Variants in SIX3 observed in about 807,000 individuals in gnomAD.
SIX3 encodes the protein homeobox protein SIX3.
In SIX3, 2 loss-of-function variants were observed where a neutral mutation model predicts 21.7. The ratio of observed to expected loss-of-function variants is 0.09; its 90% CI spans 0.04 to 0.29. The LOEUF is 0.29. SIX3 is among the 10% of genes least tolerant of loss of function. The pLI, the probability that SIX3 is intolerant of heterozygous loss-of-function variation, is 1.00. For missense variants in SIX3, 347 were observed against 480.7 expected (o/e 0.72, Z 2.60); for synonymous variants, 243 against 220.6 (o/e 1.10, Z -0.90).
Position 44,944,479 on chromosome 2 carries a change from T to C in SIX3, c.807-89T>C. 2.1e-6 allele frequency: 3 copies of C among 1,411,324 alleles called. No homozygotes were observed. The South Asian group carries it at 3.7e-5, about 17-fold the overall frequency. 87.4% of individuals were successfully genotyped at this position (1,411,324 alleles called of 1,614,324 possible). On this transcript the variant is annotated intron_variant, in intron 1 of 1. Transcript: ENST00000260653. ...CTCTATCTGAGAAGACTTGGGATGC[T>C]CCCGAAAGCGGAATGGGGAGCGGCG...
In SIX3 at chr2:44,945,095, T is replaced by G; in HGVS notation, c.*335T>G. On this transcript the variant is annotated 3_prime_UTR_variant, in exon 2 of 2. Transcript: ENST00000260653. ...AAACATAAAAGAGGTGACAATTGTA[T>G]ACTTTCTAGGACAAGCACGGCTTCT... 4.9e-6 allele frequency: 2 copies of G among 408,318 alleles called. No individual in the cohort carries two copies. Among genetic ancestry groups the G allele is most frequent in the Non-Finnish European group, 9.0e-6 (2 of 221,504 alleles). The allele number at this position is 408,318 out of a possible 1,614,324, so 25.3% of individuals were successfully genotyped here.
chr2:44,944,974 C>G lies in SIX3; in HGVS notation c.*214C>G. On this transcript the variant is annotated 3_prime_UTR_variant, in exon 2 of 2. Coordinates refer to ENST00000260653, the MANE Select transcript of SIX3 (RefSeq NM_005413.4). ...AAACAAGAAAATAACAAATTAACCG[C>G]AAACTATCAACAACCCCCAACCACC... The G allele has an allele frequency of 3.3e-6, 2 of 607,138 alleles. No homozygotes were observed. The highest frequency in any genetic ancestry group is 2.0e-5 in the South Asian group (1 of 51,136). The allele number at this position is 607,138 out of a possible 1,614,324, so 37.6% of individuals were successfully genotyped here. A position where few individuals can be genotyped will look rare whatever the true frequency, so the allele number is the denominator to read the frequency against.
At chr2:44,943,898 CCTGAGCCCATGGCCCT>C (rs1666635857) in intron 1 of SIX3, among the ~76,000 whole-genome samples, 1 of 152,138 alleles carries the variant, frequency 6.6e-6, no homozygotes. Context: ...GCGGCCGGGA[CCTGAGCCCATGGCCCT>C]CTCACCCCTG....
intron 1 of SIX3, among the ~76,000 whole-genome samples, chr2:44,943,698 G>C (rs532014260): frequency 6.6e-6 from 1 of 152,378 alleles, no homozygotes; most frequent in African/African-American, 2.4e-5. Context: ...ATAGGCGAAA[G>C]GAGTGGGGAG....
In SIX3 at chr2:44,942,268, G is replaced by A. The variant is rs772677168; in HGVS notation, c.164G>A (p.Gly55Glu). Reference sequence around the variant, plus strand: ...GGCAGCGGCGGCGGGAACGGTGCGGGAGGCGGCGGTGCTGGCGGAGCAGGC... The same window carrying A: ...GGCAGCGGCGGCGGGAACGGTGCGGAAGGCGGCGGTGCTGGCGGAGCAGGC... ...GGGSGGGNGA[G>E]GGGAGGAGGG... Residue 55 changes from glycine (G) to glutamate (E), a missense_variant, in exon 1 of 2, where the codon GGA becomes GAA. Transcript: ENST00000260653. This position sits in a 1 kb window ranked among gnomAD's most constrained non-coding sequence, Gnocchi z 8.4. The A allele has an allele frequency of 2.8e-5, 43 of 1,542,778 alleles. No individual in the cohort carries two copies. The Admixed American group carries it at 3.0e-4, about 11-fold the overall frequency.
Position 44,942,986 on chromosome 2 carries a change from G to C in SIX3, c.806+76G>C, listed in dbSNP as rs1334286496. The C allele has an allele frequency of 2.0e-6, 3 of 1,504,454 alleles. No individual in the cohort carries two copies. The highest frequency in any genetic ancestry group is 4.8e-5 in the East Asian group (2 of 41,536). The allele number at this position is 1,504,454 out of a possible 1,614,324, so 93.2% of individuals were successfully genotyped here. On this transcript the variant is annotated intron_variant, in intron 1 of 1. Transcript: ENST00000260653. The surrounding 1 kb of genome is among the most constrained non-coding windows in gnomAD (Gnocchi z 8.4). ...GGAGAGGGGTTGAGATGGGGCTAGC[G>C]GAGCGGCCGCTGAGAGCCAGGGAAG...
chr2:44,944,864 C>G lies in SIX3; in HGVS notation c.*104C>G, dbSNP rs765419052. On this transcript the variant is annotated 3_prime_UTR_variant, in exon 2 of 2. Transcript: ENST00000260653. The stretch of plus-strand genomic sequence containing the variant: ...CCTCCTCTTCCTTCTCCTCCTCCAT[C>G]CCCAGAACAAACCGAAATCAGGATA... The G allele has an allele frequency of 1.1e-4, 126 of 1,122,528 alleles. No individual in the cohort carries two copies. Among genetic ancestry groups the G allele is most frequent in the Non-Finnish European group, 1.5e-4 (116 of 769,656 alleles). The allele number at this position is 1,122,528 out of a possible 1,614,324, so 69.5% of individuals were successfully genotyped here.
rs201997244 is a variant in SIX3, at chr2:44,942,122, C to A, written c.18C>A (p.Pro6=). 12 of 1,596,026 alleles carry A rather than the reference C, an allele frequency of 7.5e-6. No homozygotes were observed. The highest frequency in any genetic ancestry group is 4.5e-5 in the East Asian group (2 of 44,682). ...GTCAGTCCATGGTATTCCGCTCCCC[C>A]CTAGACCTCTATTCCTCCCACTTCT... is the stretch of plus-strand genomic sequence containing the variant. MVFRS[P]LDLYSSHFLL... The change falls in exon 1 of 2, where the codon CCC becomes CCA. Residue 6 remains proline, a synonymous_variant. Transcript: ENST00000260653. This position sits in a 1 kb window ranked among gnomAD's most constrained non-coding sequence, Gnocchi z 8.4.
rs2103647675 is a variant in SIX3 at position 44,945,845 on chromosome 2, C to T, written c.*1085C>T. 6.6e-6 allele frequency: 1 copy of T among 152,300 alleles called. No individual in the cohort carries two copies. Among genetic ancestry groups the T allele is most frequent in the Admixed American group, 6.5e-5 (1 of 15,294 alleles). 9.4% of individuals were successfully genotyped at this position (152,300 alleles called of 1,614,324 possible). ...GTGCTCCTGGTGTCGACTTGGCAGT[C>T]AAGGAGAGGCATGGTGGCCTGGGTT... is the stretch of plus-strand genomic sequence containing the variant. On this transcript the variant is annotated 3_prime_UTR_variant, in exon 2 of 2. Transcript: ENST00000260653.
rs199595730 is a variant in SIX3 at position 44,942,158 on chromosome 2, C to T, written c.54C>T (p.Asn18=). 2 of 1,598,466 alleles carry T rather than the reference C, an allele frequency of 1.3e-6. No individual in the cohort carries two copies. The highest frequency in any genetic ancestry group is 1.7e-5 in the Admixed American group (1 of 59,988). ...DLYSSHFLLP[N]FADSHHRSIL... is the part of the protein sequence containing the mutation. ...ATTCCTCCCACTTCTTGTTGCCAAA[C>T]TTCGCCGATTCTCACCACCGCTCCA... is the stretch of plus-strand genomic sequence containing the variant. Residue 18 remains asparagine (N), a synonymous_variant, in exon 1 of 2, where the codon AAC becomes AAT. Coordinates refer to ENST00000260653, the MANE Select transcript of SIX3 (RefSeq NM_005413.4). The surrounding 1 kb of genome is among the most constrained non-coding windows in gnomAD (Gnocchi z 8.4).
At position 44,944,670 on chromosome 2, in the gene SIX3, G is replaced by A. The variant is rs560888073; in HGVS notation, c.909G>A (p.Pro303=). 5.7e-6 allele frequency: 9 copies of A among 1,581,820 alleles called. No homozygotes were observed. In the Admixed American group the frequency reaches 1.5e-4, roughly 27 times the overall value. The change falls in exon 2 of 2, where the codon CCG becomes CCA. Residue 303 remains proline (P), a synonymous_variant. Coordinates refer to ENST00000260653, the MANE Select transcript of SIX3 (RefSeq NM_005413.4). ...AGTCGCCGTCCACGGCGGCCAGCCC[G>A]ACCACCAGCGTGTCCAGCCTGACGG... is the stretch of plus-strand genomic sequence containing the variant. ...SAESPSTAAS[P]TTSVSSLTER...
chr2:44,942,396 A>T lies in SIX3; in HGVS notation c.292A>T (p.Thr98Ser). The T allele has an allele frequency of 6.3e-7, 1 of 1,597,170 alleles. No homozygotes were observed. The highest frequency in any genetic ancestry group is 8.5e-7 in the Non-Finnish European group (1 of 1,179,300). The part of the protein sequence containing the change: ...SPEQVASVCE[T>S]LEETGDIERL... Reference sequence around the variant, plus strand: ...GGAGCAGGTGGCCAGCGTCTGTGAGACGCTGGAGGAGACGGGCGACATCGA... The same window carrying T: ...GGAGCAGGTGGCCAGCGTCTGTGAGTCGCTGGAGGAGACGGGCGACATCGA... Residue 98 changes from threonine (T) to serine (S), a missense_variant, in exon 1 of 2, where the codon ACG becomes TCG. Transcript: ENST00000260653. The surrounding 1 kb of genome is among the most constrained non-coding windows in gnomAD (Gnocchi z 8.4).
rs1283947696 is a variant in SIX3, at chr2:44,941,840, TTCTC to T, written c.-259_-256del. On this transcript the variant is annotated 5_prime_UTR_variant, in exon 1 of 2. Transcript: ENST00000260653. ...TCTCCCTCTCCCTCTCTGTCTCGGG[TTCTC>T]TCTCTGCGCGCGCGCACCGGGCCGC... The T allele has an allele frequency of 1.0e-5, 4 of 381,006 alleles. No individual in the cohort carries two copies. The highest frequency in any genetic ancestry group is 2.1e-5 in the African/African-American group (1 of 47,902). 23.6% of individuals were successfully genotyped at this position (381,006 alleles called of 1,614,324 possible).
In SIX3 at chr2:44,942,819, C is replaced by A. The variant is rs763491194; in HGVS notation, c.715C>A (p.Leu239Met). 1 of 1,599,598 alleles carries A rather than the reference C, an allele frequency of 6.3e-7. No individual in the cohort carries two copies. The highest frequency in any genetic ancestry group is 1.1e-5 in the South Asian group (1 of 91,084). ...PYPNPSKKRE[L>M]AQATGLTPTQ... ...CCCCAACCCCAGCAAGAAACGCGAA[C>A]TGGCGCAGGCCACCGGCCTCACTCC... Residue 239 changes from leucine (L) to methionine (M), a missense_variant, in exon 1 of 2, where the codon CTG (leucine) becomes ATG (methionine). By Grantham distance (15) the Leu-to-Met change is conservative. Coordinates refer to ENST00000260653, the MANE Select transcript of SIX3 (RefSeq NM_005413.4). The surrounding 1 kb of genome is among the most constrained non-coding windows in gnomAD (Gnocchi z 8.4).
chr2:44,944,295 G>T (rs1397325417), intron 1 of SIX3, among the ~76,000 whole-genome samples: 1 of 152,206 alleles, frequency 6.6e-6, no homozygotes, highest in Non-Finnish European at 1.5e-5. Context: ...CGGTCGCGGG[G>T]CAGCCGGCTC....
rs965270255 is a variant in SIX3, at chr2:44,946,020, C to G, written c.*1260C>G. The G allele has an allele frequency of 2.0e-5, 3 of 152,384 alleles. No individual in the cohort carries two copies. The highest frequency in any genetic ancestry group is 2.9e-5 in the Non-Finnish European group (2 of 68,042). The allele number at this position is 152,384 out of a possible 1,614,324, so 9.4% of individuals were successfully genotyped here. Reference sequence around the variant, plus strand: ...CTGTTATCTTAAACTGCGTGTTTATCTATATGTAAAAACTTTCTAAAGCAA... The same window carrying G: ...CTGTTATCTTAAACTGCGTGTTTATGTATATGTAAAAACTTTCTAAAGCAA... On this transcript the variant is annotated 3_prime_UTR_variant, in exon 2 of 2. Coordinates refer to ENST00000260653, the MANE Select transcript of SIX3 (RefSeq NM_005413.4).
In SIX3 at chr2:44,944,989, C is replaced by T. The variant is rs1029447085; in HGVS notation, c.*229C>T. ...AAATTAACCGCAAACTATCAACAAC[C>T]CCCAACCACCATCTACCACTACGGC... is the stretch of plus-strand genomic sequence containing the variant. On this transcript the variant is annotated 3_prime_UTR_variant, in exon 2 of 2. Coordinates refer to ENST00000260653, the MANE Select transcript of SIX3 (RefSeq NM_005413.4). 5.0e-6 allele frequency: 3 copies of T among 594,538 alleles called. No homozygotes were observed. Among genetic ancestry groups the T allele is most frequent in the Non-Finnish European group, 9.0e-6 (3 of 332,204 alleles). The allele number at this position is 594,538 out of a possible 1,614,324, so 36.8% of individuals were successfully genotyped here. A position where few individuals can be genotyped will look rare whatever the true frequency, so the allele number is the denominator to read the frequency against.
intron 1 of SIX3, among the ~76,000 whole-genome samples, chr2:44,943,409 A>G (rs896274745): frequency 6.6e-6 from 1 of 152,068 alleles, no homozygotes; most frequent in Non-Finnish European, 1.5e-5. Context: ...GTTTCCCCGC[A>G]ACGCTGCACG....
Position 44,942,842 on chromosome 2 carries a change from T to G in SIX3, c.738T>G (p.Thr246=), listed in dbSNP as rs755608009. ...KRELAQATGL[T]PTQVGNWFKN... ...AACTGGCGCAGGCCACCGGCCTCAC[T>G]CCCACACAAGTAGGCAACTGGTTTA... Residue 246 remains threonine (T), a synonymous_variant, in exon 1 of 2, where the codon ACT becomes ACG. Coordinates refer to ENST00000260653, the MANE Select transcript of SIX3 (RefSeq NM_005413.4). The surrounding 1 kb of genome is among the most constrained non-coding windows in gnomAD (Gnocchi z 8.4). 3 of 1,599,120 alleles carry G rather than the reference T, an allele frequency of 1.9e-6. No individual in the cohort carries two copies. The highest frequency in any genetic ancestry group is 1.3e-5 in the African/African-American group (1 of 74,900).
Sources: allele counts gnomAD v4.1 joint callset (sites outside exome capture counted in the v4.1 genomes callset), GRCh38; gene constraint gnomAD v4.1.1; non-coding constraint Gnocchi (gnomAD v3.1); transcripts MANE v1.5; gene names NCBI Gene and HGNC (gene_info 2026-07-23, HGNC 2026-07-21).